The following TPST2 variants were observed in gnomAD, a reference collection of about 807,000 sequenced individuals.
TPST2 encodes protein-tyrosine sulfotransferase 2.
In TPST2, 16 loss-of-function variants were observed where a neutral mutation model predicts 27.8. The observed-to-expected ratio is 0.58, with a 90% CI of 0.39 to 0.88. The LOEUF (loss-of-function observed/expected upper bound fraction) is 0.88, where lower values mean the gene tolerates loss of function less well. Among genes scored for constraint, TPST2 ranks in the 40% least tolerant of loss-of-function variants. The pLI, the probability that TPST2 is intolerant of heterozygous loss-of-function variation, is 0.00. For synonymous variants in TPST2, 229 were observed against 231.7 expected, an observed-to-expected ratio of 0.99 and a Z score of 0.10; for missense variants, 464 against 543.1, an observed-to-expected ratio of 0.85 and a Z score of 1.45.
chr22:26,545,666 G>C (rs968123928), intron 1 of TPST2, among the ~76,000 whole-genome samples: 2 of 152,208 alleles, frequency 1.3e-5, no homozygotes, highest in African/African-American at 4.8e-5. Context: ...GGGTAGTTTG[G>C]AATGCAGCTC....
chr22:26,546,395 A>G (rs74869407), intron 1 of TPST2, among the ~76,000 whole-genome samples: 9,992 of 152,274 alleles, frequency 0.066, 378 homozygotes, highest in Middle Eastern at 0.099. Context: ...CTCTTGGAAT[A>G]AACAAAACCA....
In TPST2 at chr22:26,529,005, A is replaced by AAC. The variant is rs575794850; in HGVS notation, c.1093-744_1093-743insGT. On this transcript the variant is annotated intron_variant, in intron 5 of 6. Transcript: ENST00000338754. ...TCAAAAAAACAAAAACAAAAACAAA[A>AAC]AAAAAACAAAACGTATCTTTTGCAT... is the stretch of plus-strand genomic sequence containing the variant. Among the ~76,000 whole-genome samples, 1,432 of 151,544 alleles carry AAC rather than the reference A, an allele frequency of 9.4e-3. 12 individuals carry two copies. Among genetic ancestry groups the AAC allele is most frequent in the Non-Finnish European group, 0.015 (1,018 of 67,842 alleles).
intron 1 of TPST2, among the ~76,000 whole-genome samples, chr22:26,570,841 T>C (rs944235564): frequency 1.3e-5 from 2 of 152,060 alleles, no homozygotes; most frequent in Non-Finnish European, 2.9e-5. Flanking sequence ...CTCACCCTAA[T>C]CCAATCCAGC....
chr22:26,537,043 A>G (rs1342930439), intron 3 of TPST2, among the ~76,000 whole-genome samples: 1 of 151,816 alleles, frequency 6.6e-6, no homozygotes, highest in Non-Finnish European at 1.5e-5. Flanking sequence ...GCAACAGAGC[A>G]AGACCCTGTC....
intron 1 of TPST2, among the ~76,000 whole-genome samples, chr22:26,555,515 C>T (rs908126660): frequency 6.6e-6 from 1 of 152,254 alleles, no homozygotes; most frequent in Non-Finnish European, 1.5e-5. Context: ...AAAACGGCAC[C>T]TACCTTGTGG....
At position 26,541,830 on chromosome 22, in the gene TPST2, G is replaced by A. The variant is rs903328138; in HGVS notation, c.-88-112C>T. Reference sequence around the variant, plus strand: ...AGAGGCTGCTGACATGAATGCAGAGGGCACCTTTCATAAGCACTAGCTGTG... The same window carrying A: ...AGAGGCTGCTGACATGAATGCAGAGAGCACCTTTCATAAGCACTAGCTGTG... On this transcript the variant is annotated intron_variant, in intron 2 of 6. Coordinates refer to ENST00000338754, the MANE Select transcript of TPST2 (RefSeq NM_003595.5). The surrounding 1 kb of genome is among the most constrained non-coding windows in gnomAD (Gnocchi z 5.9). 6.0e-5 allele frequency: 64 copies of A among 1,075,094 alleles called. 1 individual carries two copies. The highest frequency in any genetic ancestry group is 4.3e-4 in the South Asian group (25 of 57,958). 66.6% of individuals were successfully genotyped at this position (1,075,094 alleles called of 1,614,324 possible).
intron 1 of TPST2, among the ~76,000 whole-genome samples, chr22:26,577,000 G>A (rs903186485): frequency 2.0e-5 from 3 of 150,978 alleles, no homozygotes; most frequent in African/African-American, 7.3e-5. Flanking sequence ...GGAGGCTGAA[G>A]CAGGAGAATG....
At position 26,541,742 on chromosome 22, in the gene TPST2, T is replaced by C. The variant is rs940803075; in HGVS notation, c.-88-24A>G. 4.2e-6 allele frequency: 6 copies of C among 1,445,006 alleles called. No individual in the cohort carries two copies. The Admixed American group carries it at 8.1e-5, about 19-fold the overall frequency. The allele number at this position is 1,445,006 out of a possible 1,614,324, so 89.5% of individuals were successfully genotyped here. ...ATCTGGGGAGAGAGGGGGACATGCA[T>C]AGTCAGGGAGGTCTGTGAGCTGTGA... On this transcript the variant is annotated intron_variant, in intron 2 of 6. Transcript: ENST00000338754. The surrounding 1 kb of genome is among the most constrained non-coding windows in gnomAD (Gnocchi z 5.9).
At chr22:26,538,683 G>A (rs187080049) in intron 3 of TPST2, among the ~76,000 whole-genome samples, 39 of 152,346 alleles carry the variant, frequency 2.6e-4, no homozygotes, top group Admixed American at 1.4e-3. Context: ...TTAGCAGAGC[G>A]TGGTGGCGGG....
chr22:26,536,103 C>T, intron 4 of TPST2, 185 bp downstream of exon 4: 1 of 865,972 alleles, frequency 1.2e-6, no homozygotes, highest in Non-Finnish European at 1.9e-6. Context: ...CTTTGAGCTT[C>T]CCTGCAGCCC....
In TPST2 at chr22:26,590,062, ACG is replaced by A. The variant is rs1203198619; in HGVS notation, c.-172_-171del. The A allele has an allele frequency of 1.3e-5, 2 of 151,668 alleles. No homozygotes were observed. The highest frequency in any genetic ancestry group is 2.9e-5 in the Non-Finnish European group (2 of 67,922). 9.4% of individuals were successfully genotyped at this position (151,668 alleles called of 1,614,324 possible). On this transcript the variant is annotated 5_prime_UTR_variant, in exon 1 of 7. Coordinates refer to ENST00000338754, the MANE Select transcript of TPST2 (RefSeq NM_003595.5). ...CCCCAGGGCCACCTACCGTGGCGAG[ACG>A]CGGCGAGGCAGCCCCACGCACCCAG... is the stretch of plus-strand genomic sequence containing the variant.
At chr22:26,589,306 C>T (rs1470769460) in intron 1 of TPST2, among the ~76,000 whole-genome samples, 1 of 152,102 alleles carries the variant, frequency 6.6e-6, no homozygotes, top group Admixed American at 6.5e-5. Context: ...TGCCAGACCT[C>T]GACCTCTGTC....
intron 1 of TPST2, chr22:26,550,770 G>C: frequency 1.9e-6 from 1 of 528,492 alleles, no homozygotes; most frequent in Non-Finnish European, 2.4e-6. Flanking sequence ...TGCAGAGCTG[G>C]GGAGACGCAG....
In TPST2 at chr22:26,541,853, G is replaced by T; in HGVS notation, c.-88-135C>A. 1.1e-6 allele frequency: 1 copy of T among 885,812 alleles called. No individual in the cohort carries two copies. 54.9% of individuals were successfully genotyped at this position (885,812 alleles called of 1,614,324 possible). A position where few individuals can be genotyped will look rare whatever the true frequency, so the allele number is the denominator to read the frequency against. On this transcript the variant is annotated intron_variant, in intron 2 of 6. Transcript: ENST00000338754. This position sits in a 1 kb window ranked among gnomAD's most constrained non-coding sequence, Gnocchi z 5.9. ...AGGGCACCTTTCATAAGCACTAGCTGTGTGCCTGGCACCCTGCTGGGCACT... is the reference window on the plus strand; with the variant it reads ...AGGGCACCTTTCATAAGCACTAGCTTTGTGCCTGGCACCCTGCTGGGCACT...
intron 1 of TPST2, among the ~76,000 whole-genome samples, chr22:26,556,707 A>G (rs1044969181): frequency 1.3e-5 from 2 of 152,210 alleles, no homozygotes; most frequent in Non-Finnish European, 2.9e-5. Flanking sequence ...ACCCCAATTA[A>G]GAATCGCTGC....
rs149872084 is a variant in TPST2, at chr22:26,561,421, G to A, written c.-160-16746C>T. ...TAAATTGGCATGGAAATTTAAAGCG[G>A]GTTCTTGTTGGTGCACAGCACAAAT... is the stretch of plus-strand genomic sequence containing the variant. On this transcript the variant is annotated intron_variant, in intron 1 of 6. Coordinates refer to ENST00000338754, the MANE Select transcript of TPST2 (RefSeq NM_003595.5). Among the ~76,000 whole-genome samples the A allele has an allele frequency of 1.7e-3, 253 of 152,264 alleles. 2 individuals are homozygous for A. The highest frequency in any genetic ancestry group is 6.8e-3 in the Middle Eastern group (2 of 294).
rs532638388 is a variant in TPST2, at chr22:26,548,619, T to C, written c.-160-3944A>G. On this transcript the variant is annotated intron_variant, in intron 1 of 6. Transcript: ENST00000338754. ...CAAGCAAGCAAGCTCATCAGACATT[T>C]TGGAGTATGGATGCTGAACTGATTA... Among the ~76,000 whole-genome samples, 115 of 152,000 alleles carry C rather than the reference T, an allele frequency of 7.6e-4. 2 individuals carry two copies. The highest frequency in any genetic ancestry group is 2.7e-3 in the African/African-American group (112 of 41,462).
At chr22:26,583,899 G>A (rs1928229143) in intron 1 of TPST2, among the ~76,000 whole-genome samples, 1 of 152,224 alleles carries the variant, frequency 6.6e-6, no homozygotes, top group Admixed American at 6.5e-5. Flanking sequence ...CACGAGGCAG[G>A]CCTAAGGCAT....
At chr22:26,532,847 C>A (rs1358895480) in intron 4 of TPST2, 102 bp from the exon 5 acceptor site, 32 of 990,904 alleles carry the variant, frequency 3.2e-5, no homozygotes, top group Non-Finnish European at 4.4e-5. Flanking sequence ...ACCTCGCCAC[C>A]CACCCATCCC....
Sources: allele counts gnomAD v4.1 joint callset (sites outside exome capture counted in the v4.1 genomes callset), GRCh38; gene constraint gnomAD v4.1.1; non-coding constraint Gnocchi (gnomAD v3.1); transcripts MANE v1.5; gene names NCBI Gene and HGNC (gene_info 2026-07-23, HGNC 2026-07-21).